The following BLM variants were observed in gnomAD, a reference collection of about 807,000 sequenced individuals.
BLM encodes recQ-like DNA helicase BLM.
A neutral mutation model predicts 135.3 loss-of-function variants in BLM; 95 were observed. The observed-to-expected ratio is 0.70, with a 90% CI of 0.59 to 0.83. The LOEUF (loss-of-function observed/expected upper bound fraction) is 0.83, where lower values mean the gene tolerates loss of function less well. Among genes scored for constraint, BLM ranks in the 40% least tolerant of loss-of-function variants. The pLI is 0.00. For synonymous variants in BLM, 520 were observed against 589.2 expected (o/e 0.88, Z 1.70); for missense variants, 1,518 against 1,663.9 (o/e 0.91, Z 1.53).
Position 90,736,078 on chromosome 15 carries a change from C to T in BLM, c.-4-11311C>T, listed in dbSNP as rs189694086. Reference sequence around the variant, plus strand: ...AAAGCTGCACTGAAATACCGTTTCTCACCTATCAGCTCTGCACTAATTAGA... The same window carrying T: ...AAAGCTGCACTGAAATACCGTTTCTTACCTATCAGCTCTGCACTAATTAGA... On this transcript the variant is annotated intron_variant, in intron 1 of 21. Coordinates refer to ENST00000355112, the MANE Select transcript of BLM (RefSeq NM_000057.4). Among the ~76,000 whole-genome samples, 17 of 152,314 alleles carry T rather than the reference C, an allele frequency of 1.1e-4. No homozygotes were observed. The East Asian group carries it at 2.9e-3, about 26-fold the overall frequency.
intron 15 of BLM, 140 bp from the exon 16 acceptor site, chr15:90,794,027 G>C: frequency 1.9e-6 from 1 of 521,084 alleles, no homozygotes; most frequent in Non-Finnish European, 3.3e-6. Context: ...TTATAATATA[G>C]AATGCCATGT....
chr15:90,731,194 C>T (rs1490117539), intron 1 of BLM, among the ~76,000 whole-genome samples: 1 of 152,154 alleles, frequency 6.6e-6, no homozygotes, highest in Admixed American at 6.5e-5. Flanking sequence ...CTGCCTTGGC[C>T]TCCAAAAGCG....
Position 90,785,043 on chromosome 15 carries a change from G to A in BLM, c.2785G>A (p.Glu929Lys). Residue 929 changes from glutamate (E) to lysine (K), a missense_variant, in exon 14 of 22, where the codon GAA (glutamate) becomes AAA (lysine). By Grantham distance (56) the Glu-to-Lys change is moderately conservative. Coordinates refer to ENST00000355112, the MANE Select transcript of BLM (RefSeq NM_000057.4). Reference sequence around the variant, plus strand: ...TGGCCTCAGTGATTCTGCCAGAGATGAAGTGCAGCAGAAGTGGATTAATCA... The same window carrying A: ...TGGCCTCAGTGATTCTGCCAGAGATAAAGTGCAGCAGAAGTGGATTAATCA... Reference protein sequence around the residue: ...HAGLSDSARDEVQQKWINQDG... With the variant: ...HAGLSDSARDKVQQKWINQDG... 6.2e-7 allele frequency: 1 copy of A among 1,614,166 alleles called. No individual in the cohort carries two copies. The highest frequency in any genetic ancestry group is 1.1e-5 in the South Asian group (1 of 91,082).
chr15:90,731,963 G>T (rs955882522), intron 1 of BLM, among the ~76,000 whole-genome samples: 1 of 152,166 alleles, frequency 6.6e-6, no homozygotes, highest in African/African-American at 2.4e-5. Flanking sequence ...GCTTCCCAAA[G>T]TGCTGGGATT....
chr15:90,774,409 G>A (rs1432898130), intron 12 of BLM, among the ~76,000 whole-genome samples: 2 of 151,852 alleles, frequency 1.3e-5, no homozygotes, highest in South Asian at 2.1e-4. Flanking sequence ...CAGTGTGTGG[G>A]GGTTGCAGTT....
chr15:90,727,861 A>C (rs897529462), intron 1 of BLM, among the ~76,000 whole-genome samples: 6 of 151,584 alleles, frequency 4.0e-5, no homozygotes, highest in Non-Finnish European at 7.4e-5. Flanking sequence ...TCTTCCAGCA[A>C]AATATTGAAC....
At chr15:90,738,440 G>C (rs879740583) in intron 1 of BLM, among the ~76,000 whole-genome samples, 1 of 152,112 alleles carries the variant, frequency 6.6e-6, no homozygotes, top group African/African-American at 2.4e-5. Flanking sequence ...CAGGTGTGAT[G>C]GTACTTTGCT....
chr15:90,734,630 G>C (rs189435542), intron 1 of BLM, among the ~76,000 whole-genome samples: 3,156 of 147,464 alleles, frequency 0.021, 119 homozygotes, highest in African/African-American at 0.074. Context: ...CTCTCTCTCT[G>C]TCTCTGTCTC....
chr15:90,794,467 G>A, intron 16 of BLM, 110 bp downstream of exon 16: 9 of 799,042 alleles, frequency 1.1e-5, no homozygotes, highest in Non-Finnish European at 1.7e-5. Context: ...ATTAACAGGG[G>A]AAAGACAGCT....
Position 90,750,011 on chromosome 15 carries a change from TA to T in BLM, c.746del (p.Asn249MetfsTer10), listed in dbSNP as rs1043718482. On this transcript the variant is annotated frameshift_variant, in exon 3 of 22. Coordinates refer to ENST00000355112, the MANE Select transcript of BLM (RefSeq NM_000057.4). LOFTEE classifies it high-confidence loss of function. ...GATGGCCCCATTGCTGAAGTGCATA[TA>T]AATGAAGATGCTCAGGAAAGTGACT... ...IDDGPIAEVH[I>X]NEDAQESDSL... 6.2e-7 allele frequency: 1 copy of T among 1,614,104 alleles called. No homozygotes were observed. Among genetic ancestry groups the T allele is most frequent in the Non-Finnish European group, 8.5e-7 (1 of 1,180,040 alleles).
At chr15:90,745,904 T>C (rs1895489773) in intron 1 of BLM, among the ~76,000 whole-genome samples, 4 of 152,104 alleles carry the variant, frequency 2.6e-5, no homozygotes, top group African/African-American at 9.7e-5. Flanking sequence ...GGTGAGACCC[T>C]GTCTTTACCA....
Position 90,719,404 on chromosome 15 carries a change from C to T in BLM, c.-5+1964C>T, listed in dbSNP as rs115237595. ...ATCACCTGAGGCCAGGAGTTCGAGA[C>T]TTGCCTCACCAACATGGCGAAACTC... On this transcript the variant is annotated intron_variant, in intron 1 of 21. Transcript: ENST00000355112. Among the ~76,000 whole-genome samples the T allele has an allele frequency of 2.4e-3, 371 of 152,276 alleles. 2 individuals are homozygous for T. The highest frequency in any genetic ancestry group is 8.5e-3 in the African/African-American group (355 of 41,562).
At chr15:90,808,980 G>A in intron 19 of BLM, 157 bp from the exon 20 acceptor site, 1 of 943,066 alleles carries the variant, frequency 1.1e-6, no homozygotes, top group South Asian at 1.4e-5. Context: ...CTGCCTCTGA[G>A]GTGCTAACTT....
chr15:90,773,967 C>T (rs1896398931), intron 12 of BLM, among the ~76,000 whole-genome samples: 1 of 150,470 alleles, frequency 6.6e-6, no homozygotes, highest in Admixed American at 6.6e-5. Context: ...GTTCTGTGGT[C>T]ATCAGTTTTA....
rs1474290499 is a variant in BLM at position 90,766,929 on chromosome 15, C to G, written c.2213C>G (p.Thr738Arg). Reference protein sequence around the residue: ...TSLDIPATYLTGDKTDSEATN... With the variant: ...TSLDIPATYLRGDKTDSEATN... ...ACTTAGATTCCAGCTACATATCTGACAGGTGATAAGACTGACTCAGAAGCT... is the reference window on the plus strand; with the variant it reads ...ACTTAGATTCCAGCTACATATCTGAGAGGTGATAAGACTGACTCAGAAGCT... Residue 738 changes from threonine (T) to arginine (R), a missense_variant, in exon 10 of 22, where the codon ACA becomes AGA. Physicochemically the swap from Thr to Arg is moderately conservative, Grantham distance 71. Coordinates refer to ENST00000355112, the MANE Select transcript of BLM (RefSeq NM_000057.4). 6.3e-7 allele frequency: 1 copy of G among 1,598,254 alleles called. No homozygotes were observed. The highest frequency in any genetic ancestry group is 1.7e-5 in the Admixed American group (1 of 59,810).
Position 90,740,432 on chromosome 15 carries a change from AATAACATTTTGTTGAATGGAT to A in BLM, c.-4-6953_-4-6933del, listed in dbSNP as rs1363211732. ...AGTACTATATTTTTTTGTGTGGCCAAATAACATTTTGTTGAATGGATATACACATTTTATTTATCCATTCAT... is the reference window on the plus strand; with the variant it reads ...AGTACTATATTTTTTTGTGTGGCCAAATACACATTTTATTTATCCATTCAT... On this transcript the variant is annotated intron_variant, in intron 1 of 21. Coordinates refer to ENST00000355112, the MANE Select transcript of BLM (RefSeq NM_000057.4). Among the ~76,000 whole-genome samples the A allele has an allele frequency of 2.0e-5, 3 of 152,338 alleles. No homozygotes were observed. The East Asian group carries it at 5.8e-4, about 29-fold the overall frequency.
At chr15:90,788,642 G>A (rs191783614) in intron 14 of BLM, among the ~76,000 whole-genome samples, 1 of 152,120 alleles carries the variant, frequency 6.6e-6, no homozygotes, top group East Asian at 1.9e-4. Context: ...CAGTGGAACA[G>A]GAAAACATGT....
At position 90,815,078 on chromosome 15, in the gene BLM, A is replaced by AT; in HGVS notation, c.4077-17dup. 6.2e-7 allele frequency: 1 copy of AT among 1,612,480 alleles called. No individual in the cohort carries two copies. On this transcript the variant is annotated intron_variant, in intron 21 of 21. Transcript: ENST00000355112. This position sits in a 1 kb window ranked among gnomAD's most constrained non-coding sequence, Gnocchi z 4.6. ...ATTTTTGGTTTCATTTAACATTTTG[A>AT]TTTTTTTCTTTGTCACATTTCAGGG...
At chr15:90,805,028 G>T (rs868705916) in intron 19 of BLM, among the ~76,000 whole-genome samples, 1 of 151,990 alleles carries the variant, frequency 6.6e-6, no homozygotes, top group African/African-American at 2.4e-5. Flanking sequence ...TAGAGACAGG[G>T]TTTCTCCACG....
Sources: gnomAD v4.1 joint callset for allele counts (sites outside exome capture counted in the v4.1 genomes callset) on GRCh38, gnomAD v4.1.1 for gene constraint, Gnocchi (gnomAD v3.1) non-coding constraint, MANE v1.5 for transcripts, NCBI Gene and HGNC (gene_info 2026-07-23, HGNC 2026-07-21) for gene names.